PCDHA3: variants seen among roughly 807,000 people sequenced by gnomAD.
PCDHA3 encodes protocadherin alpha-3.
A neutral mutation model predicts 62.2 loss-of-function variants in PCDHA3; 41 were observed. The observed-to-expected ratio is 0.66, with a 90% CI of 0.51 to 0.86. The LOEUF is 0.86. Among genes scored for constraint, PCDHA3 ranks in the 40% least tolerant of loss-of-function variants. The pLI is 0.00. For missense variants in PCDHA3, 1,304 were observed against 1,241.2 expected (o/e 1.05, Z -0.76); for synonymous variants, 640 against 555.4 (o/e 1.15, Z -2.14).
intron 1 of PCDHA3, chr5:140,825,977 A>G (rs1185654246): frequency 6.6e-6 from 1 of 152,320 alleles, no homozygotes; most frequent in Non-Finnish European, 1.5e-5. Context: ...GGGGAAAAGT[A>G]TGGATTTATA....
chr5:140,965,654 G>A (rs1194762396), intron 1 of PCDHA3, among the ~76,000 whole-genome samples: 5 of 152,150 alleles, frequency 3.3e-5, no homozygotes, highest in Non-Finnish European at 7.4e-5. Flanking sequence ...GAAAGAAAAT[G>A]TCTTGGGTGA....
intron 1 of PCDHA3, chr5:140,849,381 GA>G: frequency 6.6e-7 from 1 of 1,514,878 alleles, no homozygotes; most frequent in African/African-American, 1.5e-5. Flanking sequence ...GTTCCACATG[GA>G]CCCCTTAAGT....
intron 1 of PCDHA3, chr5:140,858,254 A>G (rs1325415176): frequency 6.3e-7 from 1 of 1,596,926 alleles, no homozygotes; most frequent in Non-Finnish European, 8.6e-7. Flanking sequence ...GGTGAAGCCC[A>G]CGCTGGTGTG....
intron 1 of PCDHA3, among the ~76,000 whole-genome samples, chr5:140,888,414 T>C (rs530730994): frequency 2.6e-5 from 4 of 152,170 alleles, no homozygotes; most frequent in Non-Finnish European, 5.9e-5. Context: ...CTGCCAAACA[T>C]CCTACCGTGC....
At chr5:140,832,848 G>C (rs2150204756) in intron 1 of PCDHA3, among the ~76,000 whole-genome samples, 1 of 152,162 alleles carries the variant, frequency 6.6e-6, no homozygotes, top group East Asian at 1.9e-4. Context: ...GAAGGAGACC[G>C]TGAAGAGTCA....
chr5:140,979,434 A>G (rs1490433887), intron 2 of PCDHA3, among the ~76,000 whole-genome samples: 1 of 151,986 alleles, frequency 6.6e-6, no homozygotes, highest in South Asian at 2.1e-4. Context: ...CACATTGGCT[A>G]TTACATCCTA....
intron 1 of PCDHA3, chr5:140,865,728 T>C (rs1052740962): frequency 5.3e-5 from 8 of 152,218 alleles, no homozygotes; most frequent in Admixed American, 4.6e-4. Flanking sequence ...AGCTGAGATG[T>C]GTATCTATTT....
At chr5:140,847,318 A>G (rs1054415960) in intron 1 of PCDHA3, 1 of 149,914 alleles carries the variant, frequency 6.7e-6, no homozygotes, top group Admixed American at 6.7e-5. Context: ...CAAGGACAGA[A>G]GCAATTGTTA....
intron 1 of PCDHA3, chr5:140,828,976 A>C: frequency 4.3e-6 from 7 of 1,614,178 alleles, no homozygotes; most frequent in Non-Finnish European, 4.2e-6. Context: ...ACTTTAGCAT[A>C]GATCGAAATA....
intron 1 of PCDHA3, chr5:140,808,504 C>T: frequency 6.2e-7 from 1 of 1,614,146 alleles, no homozygotes; most frequent in Non-Finnish European, 8.5e-7. Context: ...GGGCCACGGC[C>T]AGTGTTTCTG....
intron 3 of PCDHA3, among the ~76,000 whole-genome samples, chr5:140,995,774 G>A (rs2097697505): frequency 1.3e-5 from 2 of 151,968 alleles, no homozygotes; most frequent in Admixed American, 1.3e-4. Context: ...GAGAGTGAAG[G>A]GCAGGTTTAA....
rs915171063 is a variant in PCDHA3 at position 140,977,108 on chromosome 5, T to C, written c.2395-1841T>C. On this transcript the variant is annotated intron_variant, in intron 1 of 3. Transcript: ENST00000522353. ...AAATGTGTCATTGGGGAAGTGAGAT[T>C]GTATAATGAACTGAGTTTCCTGGTC... 6.6e-5 allele frequency among the ~76,000 whole-genome samples: 10 copies of C among 152,302 alleles called. No homozygotes were observed. The East Asian group carries it at 1.9e-3, about 29-fold the overall frequency.
At chr5:140,903,635 A>T (rs2070455281) in intron 1 of PCDHA3, among the ~76,000 whole-genome samples, 1 of 152,244 alleles carries the variant, frequency 6.6e-6, no homozygotes, top group Non-Finnish European at 1.5e-5. Context: ...ATGTATGCAT[A>T]TACCATATAC....
At chr5:140,929,207 G>C (rs782298445) in intron 1 of PCDHA3, 2 of 1,613,988 alleles carry the variant, frequency 1.2e-6, no homozygotes, top group Admixed American at 1.7e-5. Context: ...TTGCTGTTGC[G>C]TGGGGAGTAC....
At chr5:140,945,371 A>G (rs926668947) in intron 1 of PCDHA3, among the ~76,000 whole-genome samples, 2 of 152,104 alleles carry the variant, frequency 1.3e-5, no homozygotes, top group African/African-American at 4.8e-5. Context: ...AAATGTCCAT[A>G]TTACCCAAAG....
intron 1 of PCDHA3, chr5:140,830,589 T>C (rs1025294463): frequency 8.4e-5 from 61 of 722,306 alleles, no homozygotes; most frequent in Non-Finnish European, 1.2e-4. Context: ...TAATTAATTT[T>C]ACAAAATTAC....
intron 1 of PCDHA3, chr5:140,929,155 C>G: frequency 6.2e-7 from 1 of 1,614,156 alleles, no homozygotes; most frequent in Non-Finnish European, 8.5e-7. Flanking sequence ...TCAGACTTAT[C>G]TCTATCGGGC....
At chr5:141,006,704 A>G (rs2098283751) in intron 3 of PCDHA3, among the ~76,000 whole-genome samples, 1 of 152,128 alleles carries the variant, frequency 6.6e-6, no homozygotes, top group Non-Finnish European at 1.5e-5. Context: ...GAGTCAAGAT[A>G]TATTTAGGAG....
chr5:140,805,660 A>C (rs1356388954), intron 1 of PCDHA3: 1 of 845,766 alleles, frequency 1.2e-6, no homozygotes, highest in Non-Finnish European at 1.4e-6. Flanking sequence ...TTCATTCCCC[A>C]TTAATACCCA....
Sources: gnomAD v4.1 joint callset for allele counts (sites outside exome capture counted in the v4.1 genomes callset) on GRCh38, gnomAD v4.1.1 for gene constraint, MANE v1.5 for transcripts, NCBI Gene and HGNC (gene_info 2026-07-23, HGNC 2026-07-21) for gene names.